The following PDZD9 variants were observed in gnomAD, a reference collection of about 807,000 sequenced individuals.
PDZD9 encodes the protein PDZ domain-containing protein 9.
PDZD9 carries 13 observed loss-of-function variants against 16.3 expected under a neutral mutation model. That is an observed-to-expected ratio of 0.80 (90% CI 0.52 to 1.27). PDZD9 has a LOEUF of 1.27. Among genes scored for constraint, PDZD9 ranks in the 50% most tolerant of loss-of-function variants. The pLI is 0.00. For missense variants in PDZD9, 288 were observed against 310.9 expected (o/e 0.93, Z 0.55); for synonymous variants, 120 against 111.0 (o/e 1.08, Z -0.51).
chr16:21,982,945 C>G, downstream of PDZD9: 1 of 716,100 alleles, frequency 1.4e-6, no homozygotes, highest in Non-Finnish European at 2.2e-6. Context: ...CACTGGGTGA[C>G]AGAGCGAGAC....
intron 3 of PDZD9, among the ~76,000 whole-genome samples, chr16:21,987,376 C>A (rs529195777): frequency 6.6e-6 from 1 of 151,914 alleles, no homozygotes; most frequent in African/African-American, 2.4e-5. Context: ...GCCAAGGTCA[C>A]GCCACTACAC....
chr16:21,977,151 C>G, the PDZD9 span, among the ~76,000 whole-genome samples: 1 of 152,054 alleles, frequency 6.6e-6, no homozygotes, highest in African/African-American at 2.4e-5. Flanking sequence ...GCCAGGAGTT[C>G]AACCAGCCTG....
At chr16:21,970,904 A>G in the PDZD9 span, among the ~76,000 whole-genome samples, 2 of 151,842 alleles carry the variant, frequency 1.3e-5, no homozygotes, top group Admixed American at 6.6e-5. Context: ...AGAAATGTCT[A>G]TTCAAGTCTT....
chr16:21,965,310 A>G, the PDZD9 span: 3 of 1,137,030 alleles, frequency 2.6e-6, no homozygotes, highest in Non-Finnish European at 3.9e-6. Flanking sequence ...ATGCCAGAAG[A>G]TGACCAAATT....
In PDZD9 at chr16:21,984,431, C is replaced by T. The variant is rs563759256; in HGVS notation, c.631G>A (p.Asp211Asn). 4.3e-6 allele frequency: 7 copies of T among 1,614,116 alleles called. No individual in the cohort carries two copies. The East Asian group carries it at 1.6e-4, about 36-fold the overall frequency. Residue 211 changes from aspartate (D) to asparagine (N), a missense_variant, in exon 4 of 4, where the codon GAC becomes AAC. Physicochemically the swap from Asp to Asn is conservative, Grantham distance 23 (BLOSUM62 1). Transcript: ENST00000424898. ...DINCDVMIHR[D>N]DKKEVRAPSP... Reference sequence around the variant, plus strand: ...GGGGCCCTCACTTCTTTCTTGTCGTCTCTGTGAATCATCACGTCACAATTA... The same window carrying T: ...GGGGCCCTCACTTCTTTCTTGTCGTTTCTGTGAATCATCACGTCACAATTA...
rs775401198 is a variant in PDZD9, at chr16:21,984,320, C to G, written c.742G>C (p.Asp248His). ...SSTSDAFWLE[D>H]CAQVEEGKAQ... ...TTACCCTCTTCAACTTGGGCACAAT[C>G]TTCCAGCCAAAATGCATCTGAGGTA... Residue 248 changes from aspartate to histidine, a missense_variant, in exon 4 of 4, where the codon GAT becomes CAT. Transcript: ENST00000424898. 3.1e-6 allele frequency: 5 copies of G among 1,613,986 alleles called. No homozygotes were observed. Among genetic ancestry groups the G allele is most frequent in the Admixed American group, 3.3e-5 (2 of 60,002 alleles).
intron 2 of PDZD9, among the ~76,000 whole-genome samples, chr16:21,990,016 G>T (rs1024604844): frequency 6.6e-6 from 1 of 152,154 alleles, no homozygotes; most frequent in Admixed American, 6.5e-5. Context: ...GTTGCTAGGG[G>T]TAGTTACACA....
the PDZD9 span, chr16:21,973,901 T>G: frequency 6.2e-7 from 1 of 1,613,026 alleles, no homozygotes; most frequent in Non-Finnish European, 8.5e-7. Context: ...TTCAGGTTTC[T>G]GCATTTAATG....
At chr16:21,967,283 T>G in the PDZD9 span, among the ~76,000 whole-genome samples, 1 of 152,186 alleles carries the variant, frequency 6.6e-6, no homozygotes, top group Non-Finnish European at 1.5e-5. Flanking sequence ...GATTAAAAGT[T>G]CAGTTTCATT....
At chr16:21,974,101 A>T in the PDZD9 span, 2 of 774,742 alleles carry the variant, frequency 2.6e-6, no homozygotes, top group African/African-American at 1.8e-5. Context: ...AGCTCTGTAT[A>T]GTATGATGTC....
rs1350633971 is a variant in PDZD9, at chr16:21,996,470, A to G, written c.63T>C (p.Ser21=). The change falls in exon 2 of 4, where the codon TCT becomes TCC. Residue 21 remains serine, a synonymous_variant. Coordinates refer to ENST00000424898, the MANE Select transcript of PDZD9 (RefSeq NM_001363519.1). ...ERGVSNKVKT[S]VHNLSKTQQT... Reference sequence around the variant, plus strand: ...GCTGTGTTTTGCTCAAGTTGTGTACAGATGTTTTGACCTTGTTGCTGACTC... The same window carrying G: ...GCTGTGTTTTGCTCAAGTTGTGTACGGATGTTTTGACCTTGTTGCTGACTC... The G allele has an allele frequency of 6.5e-7, 1 of 1,535,938 alleles. No individual in the cohort carries two copies. The highest frequency in any genetic ancestry group is 2.0e-5 in the Admixed American group (1 of 50,990).
At chr16:21,994,983 A>T (rs148885084) in intron 2 of PDZD9, among the ~76,000 whole-genome samples, 1 of 152,088 alleles carries the variant, frequency 6.6e-6, no homozygotes, top group African/African-American at 2.4e-5. Context: ...GGCACGCACC[A>T]TGCCGGGCTG....
At chr16:21,962,552 A>T in the PDZD9 span, 1 of 1,613,044 alleles carries the variant, frequency 6.2e-7, no homozygotes, top group African/African-American at 1.3e-5. Flanking sequence ...TTCTGCTTTG[A>T]AAGAAATACT....
the PDZD9 span, among the ~76,000 whole-genome samples, chr16:21,972,951 TTGTC>T: frequency 6.6e-6 from 1 of 151,930 alleles, no homozygotes; most frequent in African/African-American, 2.4e-5. Flanking sequence ...AATACAAAAA[TTGTC>T]TGGGCGTGGT....
the PDZD9 span, among the ~76,000 whole-genome samples, chr16:21,965,830 T>C: frequency 2.6e-5 from 4 of 152,076 alleles, no homozygotes; most frequent in Non-Finnish European, 5.9e-5. Flanking sequence ...TCTAAACCGT[T>C]TTCTGTGTGT....
intron 3 of PDZD9, among the ~76,000 whole-genome samples, chr16:21,987,146 C>A (rs780461169): frequency 6.6e-6 from 1 of 152,136 alleles, no homozygotes; most frequent in Non-Finnish European, 1.5e-5. Flanking sequence ...TCTGGCCAGG[C>A]TTGGTGGCTC....
chr16:21,985,967 CTT>C (rs979930201), intron 3 of PDZD9, among the ~76,000 whole-genome samples: 1 of 149,628 alleles, frequency 6.7e-6, no homozygotes, highest in Non-Finnish European at 1.5e-5. Flanking sequence ...GTATTAGTAA[CTT>C]TTTTTTTTCA....
the PDZD9 span, among the ~76,000 whole-genome samples, chr16:21,960,454 T>A: frequency 6.6e-6 from 1 of 152,232 alleles, no homozygotes; most frequent in East Asian, 1.9e-4. Context: ...TTTGATCTAA[T>A]CCAGACCAGT....
At chr16:21,960,945 C>G in the PDZD9 span, among the ~76,000 whole-genome samples, 1 of 152,110 alleles carries the variant, frequency 6.6e-6, no homozygotes, top group African/African-American at 2.4e-5. Context: ...ATTCTTCTCC[C>G]TCCGCTTCCC....
Sources: gnomAD v4.1 joint callset for allele counts (sites outside exome capture counted in the v4.1 genomes callset) on GRCh38, gnomAD v4.1.1 for gene constraint, MANE v1.5 for transcripts, NCBI Gene and HGNC (gene_info 2026-07-23, HGNC 2026-07-21) for gene names.